The following NAV3 variants were observed in gnomAD, a reference collection of about 807,000 sequenced individuals.
NAV3 encodes pore membrane and/or filament interacting like protein 1.
In NAV3, 87 loss-of-function variants were observed where a neutral mutation model predicts 244.7. The ratio of observed to expected loss-of-function variants is 0.36; its 90% CI spans 0.30 to 0.42. The LOEUF is 0.42. Ranked by LOEUF, NAV3 falls within the 20% of genes least tolerant of loss-of-function variation. The pLI is 1.00. For missense variants in NAV3, 2,663 were observed against 2,893.3 expected, an observed-to-expected ratio of 0.92 and a Z score of 1.83; for synonymous variants, 1,126 against 1,042.2, an observed-to-expected ratio of 1.08 and a Z score of -1.55.
chr12:78,162,891 A>T (rs200314923), intron 23 of NAV3, among the ~76,000 whole-genome samples: 21 of 127,764 alleles, frequency 1.6e-4, no homozygotes, highest in Non-Finnish European at 3.3e-4. Context: ...TAATATATAT[A>T]ATATATATAT....
At chr12:77,780,283 C>G (rs910175394) in intron 2 of NAV3, among the ~76,000 whole-genome samples, 2 of 152,138 alleles carry the variant, frequency 1.3e-5, no homozygotes, top group Non-Finnish European at 2.9e-5. Flanking sequence ...ATCTAGAGCC[C>G]TCACAGGTTA....
intron 1 of NAV3, among the ~76,000 whole-genome samples, chr12:77,931,348 G>A (rs918511610): frequency 5.3e-5 from 8 of 151,938 alleles, no homozygotes; most frequent in Non-Finnish European, 5.9e-5. Context: ...GCATATGTGT[G>A]TATGTATCAT....
At chr12:77,854,029 G>A (rs1877963974) in intron 1 of NAV3, among the ~76,000 whole-genome samples, 1 of 152,174 alleles carries the variant, frequency 6.6e-6, no homozygotes, top group African/African-American at 2.4e-5. Flanking sequence ...AGTCATACCA[G>A]TTGGTAGGAA....
chr12:77,620,766 T>C (rs926532734), intron 2 of NAV3, among the ~76,000 whole-genome samples: 8 of 152,104 alleles, frequency 5.3e-5, no homozygotes, highest in Non-Finnish European at 7.4e-5. Flanking sequence ...CTGGCTATTC[T>C]TGTGCTGCTA....
In NAV3 at chr12:78,006,977, C is replaced by T. The variant is rs541081657; in HGVS notation, c.1439C>T (p.Thr480Ile). The change falls in exon 8 of 40, where the codon ACT (threonine) becomes ATT (isoleucine). Residue 480 changes from threonine to isoleucine, a missense_variant. Physicochemically the swap from Thr to Ile is moderately conservative, Grantham distance 89. Around this residue, in one of 6 missense-constraint regions of NAV3, gnomAD observed 1,521 missense variants for 1,497.0 expected, o/e 1.02. Coordinates refer to ENST00000397909, the MANE Select transcript of NAV3 (RefSeq NM_001024383.2). ...AACAGGGACAAAAATAAAGTTTGCA[C>T]TGAAAAACCAGTCAAAGAAGAGAAG... ...EKNRDKNKVC[T>I]EKPVKEEKDQ... 6.2e-6 allele frequency: 10 copies of T among 1,614,024 alleles called. No individual in the cohort carries two copies. The highest frequency in any genetic ancestry group is 1.7e-4 in the Middle Eastern group (1 of 6,060).
intron 2 of NAV3, among the ~76,000 whole-genome samples, chr12:77,752,455 GT>G (rs1318845620): frequency 5.3e-5 from 8 of 152,230 alleles, no homozygotes; most frequent in African/African-American, 1.7e-4. Context: ...ATTTTTCTTA[GT>G]TTATAGATAA....
chr12:77,582,018 A>G (rs1267132872), intron 2 of NAV3, among the ~76,000 whole-genome samples: 1 of 152,174 alleles, frequency 6.6e-6, no homozygotes, highest in East Asian at 1.9e-4. Context: ...CCATTCTTAC[A>G]CTTTACAACT....
intron 2 of NAV3, among the ~76,000 whole-genome samples, chr12:77,808,758 G>A (rs928416488): frequency 5.3e-5 from 8 of 152,216 alleles, no homozygotes; most frequent in African/African-American, 1.4e-4. Flanking sequence ...GTTTAAGTCT[G>A]CTGAAGTTGT....
intron 26 of NAV3, 86 bp from the exon 27 acceptor site, chr12:78,177,055 A>G: frequency 1.4e-6 from 2 of 1,380,548 alleles, no homozygotes; most frequent in South Asian, 2.4e-5. Flanking sequence ...GGCAGTGGCT[A>G]GGATGGCATC....
chr12:77,962,327 G>A (rs1892097138), intron 3 of NAV3, among the ~76,000 whole-genome samples: 1 of 152,060 alleles, frequency 6.6e-6, no homozygotes. Context: ...CAGATTGTGT[G>A]TCCTACTGCC....
chr12:77,959,645 A>G (rs564579035), intron 3 of NAV3, among the ~76,000 whole-genome samples: 3 of 152,154 alleles, frequency 2.0e-5, no homozygotes, highest in South Asian at 2.1e-4. Context: ...AGCTAAAATG[A>G]TTATTATGGG....
chr12:78,173,422 C>T lies in NAV3; in HGVS notation c.4982-1884C>T, dbSNP rs981562509. On this transcript the variant is annotated intron_variant, in intron 24 of 39. Coordinates refer to ENST00000397909, the MANE Select transcript of NAV3 (RefSeq NM_001024383.2). ...ATAAAAATTCTGAAATACTTTAATA[C>T]TTTGTGCTTTTCTATTTGTGAAAGT... 3.3e-5 allele frequency among the ~76,000 whole-genome samples: 5 copies of T among 151,632 alleles called. No individual in the cohort carries two copies. The East Asian group carries it at 7.8e-4, about 24-fold the overall frequency.
chr12:78,075,575 T>C (rs908031224), intron 12 of NAV3, among the ~76,000 whole-genome samples: 6 of 152,172 alleles, frequency 3.9e-5, no homozygotes, highest in African/African-American at 1.4e-4. Context: ...TTACATCCAA[T>C]GCAAAGATGG....
At chr12:77,765,594 C>T (rs1258981648) in intron 2 of NAV3, among the ~76,000 whole-genome samples, 2 of 152,056 alleles carry the variant, frequency 1.3e-5, no homozygotes, top group Non-Finnish European at 2.9e-5. Flanking sequence ...AAAGAAAGAA[C>T]ATGAACAAAG....
At position 78,118,173 on chromosome 12, in the gene NAV3, C is replaced by T. The variant is rs754614139; in HGVS notation, c.2916C>T (p.Pro972=). ...KTVSSGLPED[P]EKAGQKASLS... ...TGTCCTCTGGACTTCCTGAAGACCCCGAGAAGGCAGGGCAGAAAGCTTCCC... is the reference window on the plus strand; with the variant it reads ...TGTCCTCTGGACTTCCTGAAGACCCTGAGAAGGCAGGGCAGAAAGCTTCCC... The change falls in exon 14 of 40, where the codon CCC becomes CCT. Residue 972 remains proline, a synonymous_variant. Transcript: ENST00000397909. 1.4e-5 allele frequency: 23 copies of T among 1,613,832 alleles called. No individual in the cohort carries two copies. The highest frequency in any genetic ancestry group is 4.5e-5 in the East Asian group (2 of 44,836).
chr12:77,677,677 A>C (rs1372670086), intron 2 of NAV3, among the ~76,000 whole-genome samples: 1 of 152,228 alleles, frequency 6.6e-6, no homozygotes, highest in Non-Finnish European at 1.5e-5. Flanking sequence ...GTGTGAATGG[A>C]GTAATTAGCG....
intron 2 of NAV3, among the ~76,000 whole-genome samples, chr12:77,577,324 T>G (rs1266455954): frequency 6.6e-6 from 1 of 152,190 alleles, no homozygotes; most frequent in African/African-American, 2.4e-5. Context: ...AGAAACTTCT[T>G]TCTCAGATTT....
rs562424454 is a variant in NAV3 at position 77,956,368 on chromosome 12, T to G, written c.415-9861T>G. On this transcript the variant is annotated intron_variant, in intron 3 of 39. Transcript: ENST00000397909. ...CCGAAATATCCAAAGTTAGGATTGG[T>G]TTACGTTTTTCTAGACATTCTCTAT... is the stretch of plus-strand genomic sequence containing the variant. Among the ~76,000 whole-genome samples the G allele has an allele frequency of 3.9e-5, 6 of 152,274 alleles. No homozygotes were observed. In the East Asian group the frequency reaches 1.2e-3, roughly 29 times the overall value.
chr12:78,157,604 A>T (rs1305915475), intron 22 of NAV3, among the ~76,000 whole-genome samples: 1 of 152,028 alleles, frequency 6.6e-6, no homozygotes, highest in Non-Finnish European at 1.5e-5. Flanking sequence ...GGAAAAAATG[A>T]GCATAGCCTT....
Sources: gnomAD v4.1 joint callset for allele counts (sites outside exome capture counted in the v4.1 genomes callset) on GRCh38, gnomAD v4.1.1 for gene constraint, gnomAD v4.1.1 regional missense constraint, MANE v1.5 for transcripts, NCBI Gene and HGNC (gene_info 2026-07-23, HGNC 2026-07-21) for gene names.